The following DNAH8 variants were observed in gnomAD, a reference collection of about 807,000 sequenced individuals.
The protein encoded by DNAH8 is dynein axonemal heavy chain 8, also known as axonemal beta dynein heavy chain 8.
A neutral mutation model predicts 562.1 loss-of-function variants in DNAH8; 382 were observed. The ratio of observed to expected loss-of-function variants is 0.68; its 90% CI spans 0.63 to 0.74. The LOEUF is 0.74. Among genes scored for constraint, DNAH8 ranks in the 30% least tolerant of loss-of-function variants. DNAH8 has a pLI of 0.00. For synonymous variants in DNAH8, 1,881 were observed against 1,919.4 expected (o/e 0.98, Z 0.52); for missense variants, 5,203 against 5,620.4 (o/e 0.93, Z 2.37).
chr6:38,717,875 T>G (rs1312923547), intron 1 of DNAH8, among the ~76,000 whole-genome samples: 1 of 152,252 alleles, frequency 6.6e-6, no homozygotes, highest in Non-Finnish European at 1.5e-5. Context: ...AAAAAAATGC[T>G]GAGAAACAAA....
intron 82 of DNAH8, among the ~76,000 whole-genome samples, chr6:38,960,427 A>T (rs1271379098): frequency 2.0e-5 from 3 of 151,956 alleles, no homozygotes; most frequent in Non-Finnish European, 2.9e-5. Flanking sequence ...AGCAAAAAAA[A>T]AAAAAATAAT....
rs1777614928 is a variant in DNAH8, at chr6:38,873,306, A to T, written c.7550A>T (p.Asp2517Val). 1 of 1,613,742 alleles carries T rather than the reference A, an allele frequency of 6.2e-7. No homozygotes were observed. Among genetic ancestry groups the T allele is most frequent in the South Asian group, 1.1e-5 (1 of 91,010 alleles). Residue 2517 changes from aspartate (D) to valine (V), a missense_variant, in exon 52 of 93, where the codon GAT becomes GTT. By Grantham distance (152) the Asp-to-Val change is radical (BLOSUM62 -3). Transcript: ENST00000327475. The part of the protein sequence containing the change: ...FLTLYEKVFE[D>V]TYTYMKLNLN... ...ACACTGTATGAGAAAGTCTTTGAAG[A>T]TACATACACATATATGAAGCTAAAT...
intron 12 of DNAH8, among the ~76,000 whole-genome samples, chr6:38,771,767 C>T (rs1479144430): frequency 8.5e-6 from 1 of 117,592 alleles, no homozygotes; most frequent in Non-Finnish European, 2.1e-5. Context: ...CGGATAATAT[C>T]AGTTTATTTT....
chr6:38,725,073 C>T lies in DNAH8; in HGVS notation c.525+1602C>T, dbSNP rs1342794197. 7.2e-5 allele frequency among the ~76,000 whole-genome samples: 11 copies of T among 152,058 alleles called. No individual in the cohort carries two copies. In the East Asian group the frequency reaches 7.7e-4, roughly 11 times the overall value. On this transcript the variant is annotated intron_variant, in intron 3 of 92. Coordinates refer to ENST00000327475, the MANE Select transcript of DNAH8 (RefSeq NM_001206927.2). ...ATCCAAGCACTTTGGGAAGCTGAGG[C>T]GGGCAGATCGCCTGAGATCAGAAGT...
chr6:38,770,581 T>C, intron 12 of DNAH8, 22 bp downstream of exon 12: 1 of 1,562,158 alleles, frequency 6.4e-7, no homozygotes, highest in Non-Finnish European at 8.6e-7. Flanking sequence ...GCAGTCATCG[T>C]ACCCCACTCC....
rs1200350157 is a variant in DNAH8, at chr6:38,890,752, A to G, written c.8574A>G (p.Gln2858=). ...NLVSVGRVLW[Q]WTKVKMLPTP... ...TCTCAGTGGGTAGAGTGCTGTGGCA[A>G]TGGACTAAGGTACAGAATGGTTTGT... is the stretch of plus-strand genomic sequence containing the variant. The change falls in exon 58 of 93, where the codon CAA becomes CAG. Residue 2858 remains glutamine, a synonymous_variant. Transcript: ENST00000327475. 3 of 1,609,712 alleles carry G rather than the reference A, an allele frequency of 1.9e-6. No individual in the cohort carries two copies. The highest frequency in any genetic ancestry group is 1.1e-5 in the South Asian group (1 of 90,974).
rs145206381 is a variant in DNAH8 at position 38,766,139 on chromosome 6, A to ATGTGTGTGTGTGTGTGTG, written c.1618-4257_1618-4256insGTGTGTGTGTGTGTGTGT. ...TGTATGTATATATGTATGTGTTTGT[A>ATGTGTGTGTGTGTGTGTG]TGTGTGTGTGTGTGTGTTTGTGTAT... On this transcript the variant is annotated intron_variant, in intron 11 of 92. Transcript: ENST00000327475. Among the ~76,000 whole-genome samples, 361 of 150,994 alleles carry ATGTGTGTGTGTGTGTGTG rather than the reference A, an allele frequency of 2.4e-3. 4 individuals carry two copies. The highest frequency in any genetic ancestry group is 8.5e-3 in the African/African-American group (351 of 41,222).
rs548827732 is a variant in DNAH8 at position 39,016,468 on chromosome 6, G to A, written c.13714+3831G>A. On this transcript the variant is annotated intron_variant, in intron 91 of 92. Transcript: ENST00000327475. ...CGGGAGGCTGAGGCAGGAGAATGGC[G>A]TGAACCTAGGAGGCGGAGCTTGCAG... is the stretch of plus-strand genomic sequence containing the variant. 2.6e-5 allele frequency among the ~76,000 whole-genome samples: 4 copies of A among 151,540 alleles called. No homozygotes were observed. The East Asian group carries it at 5.9e-4, about 22-fold the overall frequency.
intron 57 of DNAH8, among the ~76,000 whole-genome samples, chr6:38,887,597 C>T (rs13194914): frequency 2.0e-5 from 3 of 151,908 alleles, no homozygotes; most frequent in Non-Finnish European, 4.4e-5. Context: ...GTCCTAGCTG[C>T]GTGGAAGGCT....
At chr6:38,928,723 A>C (rs1036970426) in intron 74 of DNAH8, among the ~76,000 whole-genome samples, 7 of 152,164 alleles carry the variant, frequency 4.6e-5, no homozygotes, top group Non-Finnish European at 8.8e-5. Flanking sequence ...ACAATAGCCT[A>C]AGGCATTAGT....
chr6:38,888,933 C>T (rs1779148103), intron 57 of DNAH8, among the ~76,000 whole-genome samples: 1 of 152,180 alleles, frequency 6.6e-6, no homozygotes, highest in Admixed American at 6.5e-5. Flanking sequence ...TTCTGAGTCT[C>T]AAGAAGTCCT....
chr6:38,965,303 C>A (rs1295923256), intron 82 of DNAH8, among the ~76,000 whole-genome samples: 1 of 151,878 alleles, frequency 6.6e-6, no homozygotes, highest in East Asian at 1.9e-4. Flanking sequence ...CTATAAATAG[C>A]CTCACATCTG....
At position 38,873,284 on chromosome 6, in the gene DNAH8, C is replaced by G. The variant is rs765459372; in HGVS notation, c.7528C>G (p.Leu2510Val). The change falls in exon 52 of 93, where the codon CTG (leucine) becomes GTG (valine). Residue 2510 changes from leucine (L) to valine (V), a missense_variant. Physicochemically the swap from Leu to Val is conservative, Grantham distance 32 (BLOSUM62 1). Around this residue, in one of 6 missense-constraint regions of DNAH8, gnomAD observed 977 missense variants for 1,061.8 expected, o/e 0.92. Transcript: ENST00000327475. ...ACAGGAAGCTGCTGTATTCCTGACACTGTATGAGAAAGTCTTTGAAGATAC... is the reference window on the plus strand; with the variant it reads ...ACAGGAAGCTGCTGTATTCCTGACAGTGTATGAGAAAGTCTTTGAAGATAC... ...TAQEAAVFLTLYEKVFEDTYT... is the reference protein window; with the variant it reads ...TAQEAAVFLTVYEKVFEDTYT... The G allele has an allele frequency of 6.8e-6, 11 of 1,613,688 alleles. No homozygotes were observed. The highest frequency in any genetic ancestry group is 1.3e-5 in the African/African-American group (1 of 75,016).
chr6:38,807,404 A>G (rs1292619112), intron 23 of DNAH8, among the ~76,000 whole-genome samples: 1 of 152,246 alleles, frequency 6.6e-6, no homozygotes, highest in Non-Finnish European at 1.5e-5. Flanking sequence ...GTGTTTATGC[A>G]AACACATTTT....
chr6:38,877,774 G>A (rs4386804), intron 53 of DNAH8, among the ~76,000 whole-genome samples: 2 of 151,596 alleles, frequency 1.3e-5, no homozygotes, highest in African/African-American at 4.8e-5. Context: ...TGCTTCCAGC[G>A]AAGATGGAGT....
Position 38,823,594 on chromosome 6 carries a change from A to G in DNAH8, c.3753A>G (p.Glu1251=), listed in dbSNP as rs1185896565. 2 of 1,610,588 alleles carry G rather than the reference A, an allele frequency of 1.2e-6. No individual in the cohort carries two copies. Among genetic ancestry groups the G allele is most frequent in the Non-Finnish European group, 1.7e-6 (2 of 1,177,302 alleles). The change falls in exon 28 of 93, where the codon GAA becomes GAG. Residue 1251 remains glutamate (E), a synonymous_variant. Coordinates refer to ENST00000327475, the MANE Select transcript of DNAH8 (RefSeq NM_001206927.2). ...TGGCTAACAACCCCTCTCTGACTGA[A>G]ATCAGATCAGAAATTCTACACTATG... is the stretch of plus-strand genomic sequence containing the variant. ...EFLANNPSLT[E]IRSEILHYAT... is the part of the protein sequence containing the mutation.
chr6:38,882,544 A>G lies in DNAH8; in HGVS notation c.7859-366A>G, dbSNP rs115808236. On this transcript the variant is annotated intron_variant, in intron 53 of 92. Coordinates refer to ENST00000327475, the MANE Select transcript of DNAH8 (RefSeq NM_001206927.2). ...AGGGATGCAAAGAAAGGAACAACAG[A>G]CACTGGGGCCTACTTGAGGGTTGGG... Among the ~76,000 whole-genome samples the G allele has an allele frequency of 6.2e-3, 940 of 152,222 alleles. 10 individuals carry two copies. The highest frequency in any genetic ancestry group is 0.021 in the African/African-American group (881 of 41,548).
At chr6:38,892,737 CCTT>C (rs1779422480) in intron 58 of DNAH8, among the ~76,000 whole-genome samples, 2 of 152,154 alleles carry the variant, frequency 1.3e-5, no homozygotes, top group African/African-American at 2.4e-5. Context: ...AATCTTTACT[CCTT>C]CTTAAAACCA....
intron 81 of DNAH8, 67 bp downstream of exon 81, chr6:38,949,637 C>A: frequency 1.0e-6 from 1 of 983,034 alleles, no homozygotes; most frequent in Admixed American, 2.0e-5. Flanking sequence ...GATTTTATCT[C>A]AGTGAGTTTA....
Sources: allele counts gnomAD v4.1 joint callset (sites outside exome capture counted in the v4.1 genomes callset), GRCh38; gene constraint gnomAD v4.1.1; regional missense constraint gnomAD v4.1.1; transcripts MANE v1.5; gene names NCBI Gene and HGNC (gene_info 2026-07-23, HGNC 2026-07-21).